The following CSMD1 variants were observed in gnomAD, a reference collection of about 807,000 sequenced individuals.
The protein encoded by CSMD1 is CUB and Sushi multiple domains 1.
CSMD1 carries 213 observed loss-of-function variants against 417.5 expected under a neutral mutation model. The observed-to-expected ratio is 0.51, with a 90% CI of 0.46 to 0.57. The LOEUF is 0.57. Ranked by LOEUF, CSMD1 falls within the 20% of genes least tolerant of loss-of-function variation. The probability of loss-of-function intolerance (pLI) is 0.00; values close to 1 mark genes in which losing one functional copy is unlikely to be tolerated. For missense variants in CSMD1, 6,923 were observed against 4,529.7 expected, an observed-to-expected ratio of 1.53 and a Z score of -15.17; for synonymous variants, 2,862 against 1,736.8, an observed-to-expected ratio of 1.65 and a Z score of -16.11.
chr8:4,150,814 G>C (rs75668381), intron 3 of CSMD1, among the ~76,000 whole-genome samples: 2 of 152,072 alleles, frequency 1.3e-5, no homozygotes, highest in East Asian at 1.9e-4. Flanking sequence ...GAGGTGTTGG[G>C]AGAAGACAGG....
intron 5 of CSMD1, among the ~76,000 whole-genome samples, chr8:3,947,584 T>A (rs1180079823): frequency 1.3e-5 from 2 of 152,110 alleles, no homozygotes; most frequent in African/African-American, 4.8e-5. Context: ...AAACCATGGG[T>A]TATATAGAAG....
chr8:4,077,939 C>T (rs1799920687), intron 3 of CSMD1, among the ~76,000 whole-genome samples: 1 of 152,120 alleles, frequency 6.6e-6, no homozygotes, highest in Non-Finnish European at 1.5e-5. Context: ...AAATCCTTTA[C>T]ATACCCATAC....
At chr8:3,156,721 A>C (rs1819559500) in intron 39 of CSMD1, among the ~76,000 whole-genome samples, 1 of 152,190 alleles carries the variant, frequency 6.6e-6, no homozygotes, top group Non-Finnish European at 1.5e-5. Flanking sequence ...AATTTTAAAT[A>C]AAGACAAGAT....
chr8:4,141,138 G>C (rs1803765239), intron 3 of CSMD1, among the ~76,000 whole-genome samples: 1 of 151,126 alleles, frequency 6.6e-6, no homozygotes, highest in Non-Finnish European at 1.5e-5. Context: ...CTCCAAGAGA[G>C]CTCCAATAAG....
intron 6 of CSMD1, among the ~76,000 whole-genome samples, chr8:3,718,949 T>C (rs772528282): frequency 6.6e-6 from 1 of 151,822 alleles, no homozygotes; most frequent in African/African-American, 2.4e-5. Flanking sequence ...AGAGGGAGAA[T>C]AGAAGGAGCG....
chr8:4,588,018 G>C (rs906906848), intron 2 of CSMD1, among the ~76,000 whole-genome samples: 2 of 152,098 alleles, frequency 1.3e-5, no homozygotes, highest in Non-Finnish European at 2.9e-5. Flanking sequence ...CACCATTTAA[G>C]CAAGCATAGG....
chr8:4,420,113 T>A lies in CSMD1; in HGVS notation c.303-48A>T, dbSNP rs533717656. The stretch of plus-strand genomic sequence containing the variant: ...AAAGAGAGTTAAAAGCATGAATTTG[T>A]CAAAAAAAGCTTATTTGATGAAGTC... On this transcript the variant is annotated intron_variant, in intron 2 of 69. Coordinates refer to ENST00000635120, the MANE Select transcript of CSMD1 (RefSeq NM_033225.6). 63 of 1,318,392 alleles carry A rather than the reference T, an allele frequency of 4.8e-5. 2 individuals carry two copies. The South Asian group carries it at 8.0e-4, about 17-fold the overall frequency. 81.7% of individuals were successfully genotyped at this position (1,318,392 alleles called of 1,614,324 possible).
chr8:3,616,560 G>T, intron 8 of CSMD1, 150 bp downstream of exon 8: 1 of 599,750 alleles, frequency 1.7e-6, no homozygotes, highest in East Asian at 2.8e-5. Flanking sequence ...AATCTCTGAA[G>T]ACAAATTGTG....
At chr8:4,186,869 G>C (rs1798709009) in intron 3 of CSMD1, among the ~76,000 whole-genome samples, 1 of 151,610 alleles carries the variant, frequency 6.6e-6, no homozygotes, top group Non-Finnish European at 1.5e-5. Flanking sequence ...GGTGTTGAGT[G>C]CCTGTAGTCC....
At chr8:4,578,939 A>C (rs916948251) in intron 2 of CSMD1, among the ~76,000 whole-genome samples, 1 of 152,024 alleles carries the variant, frequency 6.6e-6, no homozygotes, top group Non-Finnish European at 1.5e-5. Context: ...ATATTAAATC[A>C]ATACATTTAA....
At chr8:2,948,635 G>C (rs990751091) in intron 68 of CSMD1, among the ~76,000 whole-genome samples, 1 of 151,882 alleles carries the variant, frequency 6.6e-6, no homozygotes, top group Non-Finnish European at 1.5e-5. Context: ...AGCATAGATG[G>C]GCAACATGCG....
In CSMD1 at chr8:3,960,412, A is replaced by G. The variant is rs141668757; in HGVS notation, c.818+37491T>C. On this transcript the variant is annotated intron_variant, in intron 5 of 69. Coordinates refer to ENST00000635120, the MANE Select transcript of CSMD1 (RefSeq NM_033225.6). ...ATGTCTTCTATGCACCAGACAGAAG[A>G]CTAGATAGTCCCTCAATGCTAGTGA... Among the ~76,000 whole-genome samples the G allele has an allele frequency of 1.1e-3, 161 of 152,288 alleles. 1 individual carries two copies. The highest frequency in any genetic ancestry group is 3.7e-3 in the African/African-American group (153 of 41,550).
At chr8:4,287,577 C>A (rs1367074200) in intron 3 of CSMD1, among the ~76,000 whole-genome samples, 1 of 152,096 alleles carries the variant, frequency 6.6e-6, no homozygotes, top group South Asian at 2.1e-4. Context: ...TGTCTGCAAG[C>A]TTTTATTACC....
chr8:3,269,387 C>T (rs1408696677), intron 26 of CSMD1, among the ~76,000 whole-genome samples: 1 of 152,226 alleles, frequency 6.6e-6, no homozygotes, highest in Non-Finnish European at 1.5e-5. Flanking sequence ...GACCATCAAC[C>T]ACACAGGCTT....
chr8:3,825,324 G>A (rs1368572628), intron 5 of CSMD1, among the ~76,000 whole-genome samples: 2 of 152,136 alleles, frequency 1.3e-5, no homozygotes, highest in Non-Finnish European at 2.9e-5. Context: ...GATGTCAGGA[G>A]CTCGAGACCA....
chr8:4,976,664 G>T (rs750825081), intron 1 of CSMD1, among the ~76,000 whole-genome samples: 1 of 152,096 alleles, frequency 6.6e-6, no homozygotes, highest in Non-Finnish European at 1.5e-5. Flanking sequence ...ACCCTAAATA[G>T]GATGAGAAGG....
chr8:3,589,280 C>G lies in CSMD1; in HGVS notation c.1098-3020G>C, dbSNP rs538817802. Among the ~76,000 whole-genome samples the G allele has an allele frequency of 9.2e-5, 14 of 152,186 alleles. No homozygotes were observed. In the South Asian group the frequency reaches 2.7e-3, roughly 30 times the overall value. ...TGAAATCAATACGTTGAAGAGATATCTGCACTCTCATAGTCACTGCAGCGT... is the reference window on the plus strand; with the variant it reads ...TGAAATCAATACGTTGAAGAGATATGTGCACTCTCATAGTCACTGCAGCGT... On this transcript the variant is annotated intron_variant, in intron 8 of 69. Coordinates refer to ENST00000635120, the MANE Select transcript of CSMD1 (RefSeq NM_033225.6).
At chr8:4,483,651 G>T (rs1222869491) in intron 2 of CSMD1, among the ~76,000 whole-genome samples, 1 of 152,078 alleles carries the variant, frequency 6.6e-6, no homozygotes, top group Admixed American at 6.6e-5. Context: ...TGATTTTTGG[G>T]CTAAACACAT....
chr8:3,964,594 A>T (rs1329062765), intron 5 of CSMD1, among the ~76,000 whole-genome samples: 1 of 152,204 alleles, frequency 6.6e-6, no homozygotes, highest in Non-Finnish European at 1.5e-5. Context: ...TGATCCACTT[A>T]AATCCCAATT....
Sources: allele counts gnomAD v4.1 joint callset (sites outside exome capture counted in the v4.1 genomes callset), GRCh38; gene constraint gnomAD v4.1.1; transcripts MANE v1.5; gene names NCBI Gene and HGNC (gene_info 2026-07-23, HGNC 2026-07-21).